The following ANGPT4 variants were observed in gnomAD, a reference collection of about 807,000 sequenced individuals.
The protein encoded by ANGPT4 is angiopoietin-4.
In ANGPT4, 50 loss-of-function variants were observed where a neutral mutation model predicts 53.0. The ratio of observed to expected loss-of-function variants is 0.94; its 90% CI spans 0.75 to 1.20. The LOEUF (loss-of-function observed/expected upper bound fraction) is 1.20, where lower values mean the gene tolerates loss of function less well. Among genes scored for constraint, ANGPT4 ranks in the 50% most tolerant of loss-of-function variants. The pLI, the probability that ANGPT4 is intolerant of heterozygous loss-of-function variation, is 0.00. For synonymous variants in ANGPT4, 251 were observed against 259.7 expected (o/e 0.97, Z 0.32); for missense variants, 648 against 637.1 (o/e 1.02, Z -0.18).
chr20:913,007 G>A (rs1473803753), intron 1 of ANGPT4, among the ~76,000 whole-genome samples: 2 of 152,098 alleles, frequency 1.3e-5, no homozygotes, highest in Non-Finnish European at 2.9e-5. Context: ...GAACAGGAGG[G>A]GAGTTGGGGG....
rs754407631 is a variant in ANGPT4, at chr20:874,305, A to T, written c.1330T>A (p.Cys444Ser). Residue 444 changes from cysteine (C) to serine (S), a missense_variant, in exon 8 of 9, where the codon TGT becomes AGT. Transcript: ENST00000381922. ...CTACCTCCAGACATCACTTGGGCAC[A>T]CTTGCAGAGACAGTGGTCGTTGTCT... Reference protein sequence around the residue: ...DSDNDHCLCKCAQVMSGGWWF... With the variant: ...DSDNDHCLCKSAQVMSGGWWF... 3.7e-6 allele frequency: 6 copies of T among 1,614,198 alleles called. No individual in the cohort carries two copies. In the South Asian group the frequency reaches 6.6e-5, roughly 18 times the overall value.
At chr20:877,959 C>T (rs556227695) in intron 7 of ANGPT4, among the ~76,000 whole-genome samples, 1 of 152,340 alleles carries the variant, frequency 6.6e-6, no homozygotes, top group South Asian at 2.1e-4. Context: ...TTCCACTCCA[C>T]CCAGTGGCTA....
At position 895,533 on chromosome 20, in the gene ANGPT4, A is replaced by G. The variant is rs1982012293; in HGVS notation, c.310-5165T>C. On this transcript the variant is annotated intron_variant, in intron 1 of 8. Coordinates refer to ENST00000381922, the MANE Select transcript of ANGPT4 (RefSeq NM_015985.4). ...TTTGCAAAGGGTCTTGAAGGAAAAG[A>G]AAGAAATTTTCACAGGCAGGGGCTG... 2.0e-5 allele frequency among the ~76,000 whole-genome samples: 3 copies of G among 152,180 alleles called. No homozygotes were observed. In the South Asian group the frequency reaches 6.2e-4, roughly 32 times the overall value.
chr20:879,930 G>T, intron 5 of ANGPT4, 82 bp from the exon 6 acceptor site: 1 of 980,708 alleles, frequency 1.0e-6, no homozygotes, highest in South Asian at 1.6e-5. Context: ...ATGTGGCTAA[G>T]CAGACAGACC....
intron 1 of ANGPT4, among the ~76,000 whole-genome samples, chr20:901,547 T>C (rs904839176): frequency 6.6e-6 from 1 of 152,236 alleles, no homozygotes; most frequent in Non-Finnish European, 1.5e-5. Context: ...TAAAAAGCTT[T>C]ATTGCTCACA....
chr20:877,010 C>T (rs1300235144), intron 7 of ANGPT4, among the ~76,000 whole-genome samples: 2 of 151,880 alleles, frequency 1.3e-5, no homozygotes, highest in Non-Finnish European at 2.9e-5. Context: ...GAGCTGTGAT[C>T]ATGCCACTGC....
chr20:878,415 G>C, intron 6 of ANGPT4, 88 bp from the exon 7 acceptor site: 3 of 1,346,934 alleles, frequency 2.2e-6, no homozygotes, highest in Non-Finnish European at 3.0e-6. Context: ...AGGCTCCAGG[G>C]CTACTTATAC....
chr20:873,450 T>A (rs1433686462), intron 8 of ANGPT4, among the ~76,000 whole-genome samples: 1 of 148,802 alleles, frequency 6.7e-6, no homozygotes, highest in Non-Finnish European at 1.5e-5. Flanking sequence ...CCCTCATCGC[T>A]CTGCTCACTG....
rs951261617 is a variant in ANGPT4 at position 908,696 on chromosome 20, G to T, written c.309+7210C>A. On this transcript the variant is annotated intron_variant, in intron 1 of 8. Transcript: ENST00000381922. This position sits in a 1 kb window ranked among gnomAD's most constrained non-coding sequence, Gnocchi z 4.9. ...GCCCTCAATAAACAGTGGTGGAAGG[G>T]ACAATTAAATGAATGCAGGAATGAA... 2.0e-5 allele frequency among the ~76,000 whole-genome samples: 3 copies of T among 151,856 alleles called. No individual in the cohort carries two copies. The highest frequency in any genetic ancestry group is 4.4e-5 in the Non-Finnish European group (3 of 68,006).
chr20:904,093 T>G (rs1382776199), intron 1 of ANGPT4, among the ~76,000 whole-genome samples: 3 of 152,230 alleles, frequency 2.0e-5, no homozygotes, highest in Admixed American at 1.3e-4. Context: ...TAAATCTTTG[T>G]AATTTTATTT....
intron 1 of ANGPT4, among the ~76,000 whole-genome samples, chr20:894,641 C>T (rs189248490): frequency 6.6e-6 from 1 of 152,224 alleles, no homozygotes; most frequent in African/African-American, 2.4e-5. Context: ...CTCCTAGAAC[C>T]TAAATTAAAA....
At chr20:904,647 G>C (rs1338930259) in intron 1 of ANGPT4, among the ~76,000 whole-genome samples, 1 of 152,168 alleles carries the variant, frequency 6.6e-6, no homozygotes, top group Non-Finnish European at 1.5e-5. Flanking sequence ...TGTTTTTTGA[G>C]GCAGAGTCTT....
chr20:885,250 C>A lies in ANGPT4; in HGVS notation c.663G>T (p.Ala221=). 6.3e-7 allele frequency: 1 copy of A among 1,583,090 alleles called. No homozygotes were observed. ...EELASILSKK[A]KLLNTLSRQS... is the part of the protein sequence containing the mutation. ...GGCGGCTCAGCGTGTTCAGCAGCTT[C>A]GCCTTCTTGCTGAGGATGCTGGCCA... The change falls in exon 4 of 9, where the codon GCG becomes GCT. Residue 221 remains alanine (A), a synonymous_variant. Coordinates refer to ENST00000381922, the MANE Select transcript of ANGPT4 (RefSeq NM_015985.4).
intron 1 of ANGPT4, among the ~76,000 whole-genome samples, chr20:906,967 C>T (rs978855553): frequency 1.3e-5 from 2 of 152,232 alleles, no homozygotes; most frequent in African/African-American, 2.4e-5. Flanking sequence ...CGTCTCCAAA[C>T]ATCCAGTGTG....
At chr20:884,662 G>T (rs994402524) in intron 4 of ANGPT4, among the ~76,000 whole-genome samples, 1 of 152,200 alleles carries the variant, frequency 6.6e-6, no homozygotes, top group African/African-American at 2.4e-5. Context: ...TCCTTGGGGT[G>T]CATTGAGTCT....
chr20:889,560 G>A (rs1416061627), intron 2 of ANGPT4, among the ~76,000 whole-genome samples: 1 of 152,202 alleles, frequency 6.6e-6, no homozygotes, highest in Non-Finnish European at 1.5e-5. Flanking sequence ...TGTTGTCTAT[G>A]TGGCAAGTTG....
intron 6 of ANGPT4, among the ~76,000 whole-genome samples, chr20:879,045 A>C (rs181241887): frequency 1.2e-4 from 18 of 152,340 alleles, no homozygotes; most frequent in Admixed American, 1.2e-3. Context: ...CTGCACCTGG[A>C]CACCCTATTC....
intron 6 of ANGPT4, among the ~76,000 whole-genome samples, chr20:878,892 G>A (rs1981277726): frequency 6.6e-6 from 1 of 152,198 alleles, no homozygotes; most frequent in South Asian, 2.1e-4. Flanking sequence ...GAGAGTGTGG[G>A]GAATGTCATG....
intron 1 of ANGPT4, among the ~76,000 whole-genome samples, chr20:893,066 G>T (rs942873349): frequency 6.6e-6 from 1 of 152,184 alleles, no homozygotes; most frequent in Admixed American, 6.5e-5. Flanking sequence ...CTGGGTCCTT[G>T]TCTCTATGTA....
Sources: gnomAD v4.1 joint callset for allele counts (sites outside exome capture counted in the v4.1 genomes callset) on GRCh38, gnomAD v4.1.1 for gene constraint, Gnocchi (gnomAD v3.1) non-coding constraint, MANE v1.5 for transcripts, NCBI Gene and HGNC (gene_info 2026-07-23, HGNC 2026-07-21) for gene names.